Variants in NUMB observed in about 807,000 individuals in gnomAD.
NUMB encodes NUMB endocytic adaptor protein, also known as protein numb homolog.
A neutral mutation model predicts 59.7 loss-of-function variants in NUMB; 29 were observed. The observed-to-expected ratio is 0.49, with a 90% CI of 0.36 to 0.66. The LOEUF (loss-of-function observed/expected upper bound fraction) is 0.66, where lower values mean the gene tolerates loss of function less well. NUMB is among the 30% of genes least tolerant of loss of function. NUMB has a pLI of 0.00. For synonymous variants in NUMB, 288 were observed against 288.2 expected (o/e 1.00, Z 0.01); for missense variants, 723 against 822.0 (o/e 0.88, Z 1.47).
intron 2 of NUMB, among the ~76,000 whole-genome samples, chr14:73,386,912 G>A (rs1216710219): frequency 8.7e-6 from 1 of 115,500 alleles, no homozygotes; most frequent in South Asian, 2.9e-4. Context: ...ACGGAGTCTC[G>A]CTCTGTCGCC....
intron 5 of NUMB, among the ~76,000 whole-genome samples, chr14:73,321,549 T>C (rs1241998795): frequency 6.6e-6 from 1 of 152,222 alleles, no homozygotes; most frequent in Non-Finnish European, 1.5e-5. Flanking sequence ...CGGAATTATT[T>C]TGTTAAAGAA....
intron 4 of NUMB, among the ~76,000 whole-genome samples, chr14:73,347,664 C>T (rs1453000962): frequency 2.0e-5 from 3 of 152,180 alleles, no homozygotes; most frequent in African/African-American, 7.2e-5. Context: ...CAACATTTGA[C>T]CACTTTCTCC....
intron 4 of NUMB, among the ~76,000 whole-genome samples, chr14:73,343,359 C>T (rs1892741300): frequency 6.6e-6 from 1 of 152,040 alleles, no homozygotes; most frequent in African/African-American, 2.4e-5. Context: ...AAAGTAGTGG[C>T]AGTAGGAAAA....
At chr14:73,457,045 TG>T (rs1884426079) in intron 1 of NUMB, among the ~76,000 whole-genome samples, 1 of 140,194 alleles carries the variant, frequency 7.1e-6, no homozygotes, top group East Asian at 2.0e-4. Context: ...CCAACTCACA[TG>T]AAAAAAAAAA....
At chr14:73,311,677 T>C (rs1890784160) in intron 6 of NUMB, among the ~76,000 whole-genome samples, 1 of 152,256 alleles carries the variant, frequency 6.6e-6, no homozygotes, top group African/African-American at 2.4e-5. Context: ...AAAACACTTC[T>C]TGATTACTGT....
At chr14:73,401,418 AGG>A (rs1400958836) in intron 2 of NUMB, among the ~76,000 whole-genome samples, 16 of 151,742 alleles carry the variant, frequency 1.1e-4, no homozygotes, top group African/African-American at 3.2e-4. Context: ...AAAAAAAAAC[AGG>A]GGATGGTACT....
At chr14:73,404,797 G>C (rs866675392) in intron 2 of NUMB, among the ~76,000 whole-genome samples, 1 of 150,372 alleles carries the variant, frequency 6.7e-6, no homozygotes. Context: ...GAGTCTTGCT[G>C]TCACCCAGGC....
At chr14:73,297,479 C>A in intron 6 of NUMB, 194 bp from the exon 7 acceptor site, 2 of 437,584 alleles carry the variant, frequency 4.6e-6, no homozygotes, top group South Asian at 4.3e-5. Context: ...CAAGCCAAAG[C>A]CATTATTTTA....
At chr14:73,296,599 A>C (rs1026161092) in intron 7 of NUMB, among the ~76,000 whole-genome samples, 3 of 152,254 alleles carry the variant, frequency 2.0e-5, no homozygotes, top group Non-Finnish European at 4.4e-5. Flanking sequence ...ATAGTCTCTC[A>C]GGAGATTGTA....
chr14:73,330,970 A>C (rs1891943941), intron 4 of NUMB, among the ~76,000 whole-genome samples: 1 of 152,218 alleles, frequency 6.6e-6, no homozygotes, highest in African/African-American at 2.4e-5. Context: ...CGGAGGCTGA[A>C]GGCCTGAGAA....
chr14:73,303,172 C>G (rs1055900273), intron 6 of NUMB, among the ~76,000 whole-genome samples: 4 of 151,748 alleles, frequency 2.6e-5, no homozygotes, highest in Non-Finnish European at 5.9e-5. Flanking sequence ...GAGCTGAGAT[C>G]GCACCATTGC....
chr14:73,336,170 A>G (rs1417003662), intron 4 of NUMB, among the ~76,000 whole-genome samples: 1 of 152,198 alleles, frequency 6.6e-6, no homozygotes, highest in Non-Finnish European at 1.5e-5. Flanking sequence ...TGATTTCTAG[A>G]TCTATCTTCT....
chr14:73,417,384 C>A (rs1403242739), intron 1 of NUMB, among the ~76,000 whole-genome samples: 1 of 151,364 alleles, frequency 6.6e-6, no homozygotes, highest in Non-Finnish European at 1.5e-5. Flanking sequence ...GGCTCCTGCA[C>A]CTGCCTGTCT....
rs983643246 is a variant in NUMB, at chr14:73,384,432, C to T, written c.-100-17451G>A. On this transcript the variant is annotated intron_variant, in intron 2 of 12. Transcript: ENST00000555238. ...AATGCTTTCAGACAAAAATAGAACA[C>T]TCATTACCAATAGACTTACACTTAA... Among the ~76,000 whole-genome samples, 6 of 151,986 alleles carry T rather than the reference C, an allele frequency of 3.9e-5. 1 individual carries two copies. Among genetic ancestry groups the T allele is most frequent in the Non-Finnish European group, 8.8e-5 (6 of 67,998 alleles).
At chr14:73,427,045 A>C (rs1897613735) in intron 1 of NUMB, among the ~76,000 whole-genome samples, 2 of 152,168 alleles carry the variant, frequency 1.3e-5, no homozygotes, top group African/African-American at 4.8e-5. Context: ...TAAAAAAGAC[A>C]AGACAGAGTC....
chr14:73,336,199 C>T (rs1397008117), intron 4 of NUMB, among the ~76,000 whole-genome samples: 2 of 152,178 alleles, frequency 1.3e-5, no homozygotes, highest in South Asian at 4.1e-4. Flanking sequence ...CCTCATACAA[C>T]CTCTCTGTTA....
At chr14:73,396,816 A>G (rs1321083189) in intron 2 of NUMB, among the ~76,000 whole-genome samples, 1 of 152,176 alleles carries the variant, frequency 6.6e-6, no homozygotes, top group African/African-American at 2.4e-5. Context: ...AGAATCACCT[A>G]AAGTGTTTGT....
chr14:73,340,976 C>T (rs539223104), intron 4 of NUMB, among the ~76,000 whole-genome samples: 33 of 152,308 alleles, frequency 2.2e-4, no homozygotes, highest in African/African-American at 7.7e-4. Flanking sequence ...TTTTCCTGTG[C>T]TCACACTGAG....
intron 2 of NUMB, among the ~76,000 whole-genome samples, chr14:73,401,176 T>C (rs1490635962): frequency 1.3e-5 from 2 of 152,186 alleles, no homozygotes; most frequent in Admixed American, 6.5e-5. Context: ...TGCTGGTAGA[T>C]AGAAATCCCC....
Sources: gnomAD v4.1 joint callset for allele counts (sites outside exome capture counted in the v4.1 genomes callset) on GRCh38, gnomAD v4.1.1 for gene constraint, MANE v1.5 for transcripts, NCBI Gene and HGNC (gene_info 2026-07-23, HGNC 2026-07-21) for gene names.